STK3: variants seen among roughly 807,000 people sequenced by gnomAD.
The protein encoded by STK3 is serine/threonine-protein kinase 3.
In STK3, 41 loss-of-function variants were observed where a neutral mutation model predicts 58.0. The observed-to-expected ratio is 0.71, with a 90% CI of 0.55 to 0.92. The LOEUF (loss-of-function observed/expected upper bound fraction) is 0.92. STK3 is among the 40% of genes least tolerant of loss of function. The pLI is 0.00. For missense variants in STK3, 479 were observed against 602.7 expected (o/e 0.79, Z 2.15); for synonymous variants, 170 against 191.0 (o/e 0.89, Z 0.91).
At chr8:98,612,099 T>C (rs1339653137) in intron 6 of STK3, among the ~76,000 whole-genome samples, 2 of 149,810 alleles carry the variant, frequency 1.3e-5, no homozygotes, top group African/African-American at 2.4e-5. Flanking sequence ...TGTATGTATG[T>C]CACTATATTT....
At chr8:98,593,709 A>C (rs962249964) in intron 7 of STK3, among the ~76,000 whole-genome samples, 1 of 152,074 alleles carries the variant, frequency 6.6e-6, no homozygotes, top group Non-Finnish European at 1.5e-5. Flanking sequence ...AACAATCCCA[A>C]CTCTGCTCAC....
At chr8:98,463,786 T>C (rs1221200281) in intron 10 of STK3, among the ~76,000 whole-genome samples, 1 of 152,166 alleles carries the variant, frequency 6.6e-6, no homozygotes, top group Non-Finnish European at 1.5e-5. Context: ...ACATGAGCGA[T>C]TTTTAAGAAG....
chr8:98,577,878 GAA>G (rs1563758395), intron 8 of STK3, among the ~76,000 whole-genome samples: 1 of 152,040 alleles, frequency 6.6e-6, no homozygotes, highest in East Asian at 1.9e-4. Flanking sequence ...AGAGTTCTAA[GAA>G]AAAGAGTGTT....
chr8:98,743,746 A>T (rs1829422146), intron 4 of STK3, among the ~76,000 whole-genome samples: 1 of 151,924 alleles, frequency 6.6e-6, no homozygotes, highest in Admixed American at 6.6e-5. Context: ...GGATCTAATT[A>T]AACTAAAGAA....
At chr8:98,791,573 C>T (rs990953997) in intron 1 of STK3, among the ~76,000 whole-genome samples, 2 of 152,200 alleles carry the variant, frequency 1.3e-5, no homozygotes, top group Non-Finnish European at 2.9e-5. Flanking sequence ...TCAAACTATA[C>T]TCTAAGGCCA....
chr8:98,737,420 G>A (rs925718021), intron 4 of STK3, among the ~76,000 whole-genome samples: 8 of 152,070 alleles, frequency 5.3e-5, no homozygotes, highest in Non-Finnish European at 8.8e-5. Flanking sequence ...GGGGTACTAG[G>A]CAAGAATAAT....
chr8:98,540,610 C>A (rs1810168531), intron 9 of STK3, among the ~76,000 whole-genome samples: 1 of 152,150 alleles, frequency 6.6e-6, no homozygotes, highest in African/African-American at 2.4e-5. Context: ...TCCTGTATCA[C>A]AAAATGAGAA....
intron 6 of STK3, among the ~76,000 whole-genome samples, chr8:98,634,575 C>T (rs1021652470): frequency 3.9e-5 from 6 of 152,036 alleles, no homozygotes; most frequent in Admixed American, 3.9e-4. Flanking sequence ...ACCATCTAAC[C>T]AGTTGTTTCA....
chr8:98,672,841 T>C (rs995878956), intron 6 of STK3, among the ~76,000 whole-genome samples: 11 of 152,192 alleles, frequency 7.2e-5, no homozygotes, highest in Non-Finnish European at 1.5e-4. Flanking sequence ...ATCAAGTTAT[T>C]ACTATTTAGT....
chr8:98,391,246 G>T (rs978849905), upstream of STK3, among the ~76,000 whole-genome samples: 2 of 152,188 alleles, frequency 1.3e-5, no homozygotes, highest in African/African-American at 4.8e-5. Flanking sequence ...CCTTCTGTGG[G>T]CTGTAGTTCC....
intron 3 of STK3, among the ~76,000 whole-genome samples, chr8:98,420,221 C>T (rs1818154067): frequency 6.6e-6 from 1 of 152,104 alleles, no homozygotes; most frequent in Non-Finnish European, 1.5e-5. Context: ...AGCAATCCTC[C>T]CTTTGTCTGG....
intron 4 of STK3, among the ~76,000 whole-genome samples, chr8:98,745,276 G>A (rs1041788194): frequency 2.0e-5 from 3 of 152,188 alleles, no homozygotes; most frequent in African/African-American, 4.8e-5. Context: ...TTGTTAGTCT[G>A]TAATAAATGT....
At chr8:98,935,639 G>A (rs1009446894) in intron 1 of STK3, among the ~76,000 whole-genome samples, 1 of 152,108 alleles carries the variant, frequency 6.6e-6, no homozygotes, top group Non-Finnish European at 1.5e-5. Flanking sequence ...AGTAAAAAAT[G>A]AAAATGTAGA....
upstream of STK3, among the ~76,000 whole-genome samples, chr8:98,828,621 G>A (rs1014194939): frequency 6.6e-5 from 10 of 151,570 alleles, no homozygotes; most frequent in African/African-American, 2.4e-4. Flanking sequence ...AGAGAGGGAG[G>A]GAGGGAGGAA....
intron 2 of STK3, among the ~76,000 whole-genome samples, chr8:98,768,591 G>A (rs1831093797): frequency 3.3e-5 from 5 of 152,146 alleles, no homozygotes. Context: ...CCATATGTGT[G>A]TATGTGTGTA....
At chr8:98,713,048 G>A (rs1370874825) in intron 4 of STK3, among the ~76,000 whole-genome samples, 3 of 152,056 alleles carry the variant, frequency 2.0e-5, no homozygotes, top group African/African-American at 4.8e-5. Flanking sequence ...GGTACATAAC[G>A]AAATGAAGGC....
chr8:98,344,350 A>G, the STK3 span, among the ~76,000 whole-genome samples: 1 of 152,228 alleles, frequency 6.6e-6, no homozygotes, highest in African/African-American at 2.4e-5. Context: ...TCTGCAATGC[A>G]AAAGAAATAC....
intron 2 of STK3, among the ~76,000 whole-genome samples, chr8:98,372,063 G>GA (rs1375758520): frequency 6.6e-6 from 1 of 152,164 alleles, no homozygotes; most frequent in Non-Finnish European, 1.5e-5. Context: ...CACACAGGGA[G>GA]AACACCATGT....
chr8:98,401,693 C>A (rs1817945690), intron 3 of STK3, among the ~76,000 whole-genome samples: 2 of 152,176 alleles, frequency 1.3e-5, no homozygotes, highest in African/African-American at 4.8e-5. Context: ...ATGTTGCCGA[C>A]CACATGGGAT....
Sources: gnomAD v4.1 joint callset for allele counts (sites outside exome capture counted in the v4.1 genomes callset) on GRCh38, gnomAD v4.1.1 for gene constraint, MANE v1.5 for transcripts, NCBI Gene and HGNC (gene_info 2026-07-23, HGNC 2026-07-21) for gene names.